SUSD4: variants seen among roughly 807,000 people sequenced by gnomAD.
The protein encoded by SUSD4 is sushi domain containing 4, also known as sushi domain-containing protein 4.
In SUSD4, 41 loss-of-function variants were observed where a neutral mutation model predicts 50.5. That is an observed-to-expected ratio of 0.81 (90% confidence interval 0.63 to 1.05). SUSD4 has a LOEUF of 1.05. SUSD4 is among the 50% of genes least tolerant of loss of function. The pLI is 0.00. For missense variants in SUSD4, 580 were observed against 634.7 expected (o/e 0.91, Z 0.93); for synonymous variants, 257 against 257.3 (o/e 1.00, Z 0.01).
Position 223,228,079 on chromosome 1 carries a change from C to T in SUSD4, c.917-341G>A, listed in dbSNP as rs1355454918. On this transcript the variant is annotated intron_variant, in intron 6 of 8. Coordinates refer to ENST00000366878, the MANE Select transcript of SUSD4 (RefSeq NM_017982.4). ...TCTCTCTTGCCTGGAGAAGTTGCTC[C>T]GAAATGGACCAAGGGGTGGGGGAGT... Among the ~76,000 whole-genome samples, 5 of 152,266 alleles carry T rather than the reference C, an allele frequency of 3.3e-5. No individual in the cohort carries two copies. In the East Asian group the frequency reaches 7.8e-4, roughly 24 times the overall value.
At chr1:223,257,438 G>A (rs1661777588) in intron 5 of SUSD4, among the ~76,000 whole-genome samples, 1 of 152,168 alleles carries the variant, frequency 6.6e-6, no homozygotes. Flanking sequence ...GCAGCCTGAT[G>A]GTGCCAGAGC....
Position 223,233,461 on chromosome 1 carries a change from C to A in SUSD4, c.725-4073G>T, listed in dbSNP as rs549236808. On this transcript the variant is annotated intron_variant, in intron 5 of 8. Transcript: ENST00000366878. Reference sequence around the variant, plus strand: ...TAGGGGACTTCCACCTCTCACCCAACACTGCCTCTCACTATGAGGCTCGAC... The same window carrying A: ...TAGGGGACTTCCACCTCTCACCCAAAACTGCCTCTCACTATGAGGCTCGAC... Among the ~76,000 whole-genome samples the A allele has an allele frequency of 3.7e-3, 566 of 152,298 alleles. 4 individuals carry two copies. The highest frequency in any genetic ancestry group is 6.8e-3 in the Non-Finnish European group (466 of 68,030).
At chr1:223,353,794 G>C (rs1668501415) in intron 2 of SUSD4, among the ~76,000 whole-genome samples, 1 of 152,100 alleles carries the variant, frequency 6.6e-6, no homozygotes, top group African/African-American at 2.4e-5. Context: ...GCAGTGTTCA[G>C]GTGACAGACC....
At chr1:223,239,102 C>A (rs1386486541) in intron 5 of SUSD4, among the ~76,000 whole-genome samples, 1 of 152,032 alleles carries the variant, frequency 6.6e-6, no homozygotes, top group African/African-American at 2.4e-5. Flanking sequence ...TCATTGATAA[C>A]TTTCCTTGCT....
At chr1:223,263,959 C>A in intron 5 of SUSD4, 1 of 985,434 alleles carries the variant, frequency 1.0e-6, no homozygotes, top group Non-Finnish European at 1.2e-6. Flanking sequence ...TTGTTCTCTT[C>A]GGGCATACTT....
intron 2 of SUSD4, among the ~76,000 whole-genome samples, chr1:223,343,659 G>A (rs1293988025): frequency 1.3e-5 from 2 of 152,130 alleles, no homozygotes; most frequent in African/African-American, 4.8e-5. Context: ...CTAACAGAGG[G>A]TTAGTGTGAC....
chr1:223,224,167 C>A (rs1023229211), intron 7 of SUSD4, among the ~76,000 whole-genome samples: 1 of 152,036 alleles, frequency 6.6e-6, no homozygotes. Context: ...TGAAACCCTG[C>A]CTATACAAAA....
At chr1:223,338,932 T>C (rs1211142921) in intron 2 of SUSD4, among the ~76,000 whole-genome samples, 1 of 152,190 alleles carries the variant, frequency 6.6e-6, no homozygotes, top group Admixed American at 6.5e-5. Flanking sequence ...GAGAAATACA[T>C]CCAGTTCCAG....
intron 3 of SUSD4, among the ~76,000 whole-genome samples, chr1:223,280,830 G>T (rs1212062587): frequency 6.6e-6 from 1 of 152,116 alleles, no homozygotes; most frequent in East Asian, 1.9e-4. Context: ...TCACCACATA[G>T]TTGGAAGTAA....
Position 223,327,983 on chromosome 1 carries a change from C to T in SUSD4, c.148+35295G>A, listed in dbSNP as rs182469773. ...ACAGTAGGGAGAAGAGAGATCCCAA[C>T]ACCGGTCTCCAATCTCTTTATCCAC... is the stretch of plus-strand genomic sequence containing the variant. On this transcript the variant is annotated intron_variant, in intron 2 of 8. Transcript: ENST00000366878. Among the ~76,000 whole-genome samples, 5 of 152,212 alleles carry T rather than the reference C, an allele frequency of 3.3e-5. No individual in the cohort carries two copies. In the East Asian group the frequency reaches 5.8e-4, roughly 18 times the overall value.
chr1:223,325,171 A>G (rs915260499), intron 2 of SUSD4, among the ~76,000 whole-genome samples: 90 of 152,328 alleles, frequency 5.9e-4, no homozygotes, highest in African/African-American at 1.9e-3. Flanking sequence ...CTTCCCCCAA[A>G]GAAAAGAAAA....
chr1:223,233,258 G>A (rs757022347), intron 5 of SUSD4, among the ~76,000 whole-genome samples: 1 of 152,186 alleles, frequency 6.6e-6, no homozygotes. Context: ...TGTAGTGTTT[G>A]TAATGATTGC....
Position 223,283,107 on chromosome 1 carries a change from A to T in SUSD4, c.361+9332T>A, listed in dbSNP as rs1317054120. On this transcript the variant is annotated intron_variant, in intron 3 of 8. Transcript: ENST00000366878. ...AAGATGGATTAAAGACTTAAATATT[A>T]GACCTAAAACCATAAAAACCGTAGA... is the stretch of plus-strand genomic sequence containing the variant. Among the ~76,000 whole-genome samples the T allele has an allele frequency of 2.0e-5, 3 of 152,248 alleles. No homozygotes were observed. The East Asian group carries it at 5.8e-4, about 29-fold the overall frequency.
chr1:223,364,982 G>A (rs1669236818), upstream of SUSD4, among the ~76,000 whole-genome samples: 1 of 152,120 alleles, frequency 6.6e-6, no homozygotes, highest in Non-Finnish European at 1.5e-5. The surrounding 1 kb of genome is among the most constrained non-coding windows in gnomAD (Gnocchi z 4.5). Context: ...TGCGAGTGAG[G>A]ACCCCTGTCC....
chr1:223,364,429 C>G (rs1446415680), upstream of SUSD4, among the ~76,000 whole-genome samples: 1 of 147,882 alleles, frequency 6.8e-6, no homozygotes, highest in Non-Finnish European at 1.5e-5. The surrounding 1 kb of genome is among the most constrained non-coding windows in gnomAD (Gnocchi z 4.5). Context: ...TCTGCCAACC[C>G]AGCCGGCGCC....
chr1:223,321,606 G>A (rs910601984), intron 2 of SUSD4, among the ~76,000 whole-genome samples: 21 of 152,170 alleles, frequency 1.4e-4, no homozygotes, highest in South Asian at 2.1e-4. Flanking sequence ...TATCACTAGC[G>A]TAGAACTTAC....
intron 3 of SUSD4, among the ~76,000 whole-genome samples, chr1:223,278,504 G>A (rs1462605262): frequency 2.0e-5 from 3 of 152,222 alleles, no homozygotes; most frequent in African/African-American, 7.2e-5. Flanking sequence ...CAAGGCAGCA[G>A]CGAGGCTGGG....
At chr1:223,264,454 T>A (rs916138211) in intron 5 of SUSD4, 176 bp downstream of exon 5, 170 of 1,347,952 alleles carry the variant, frequency 1.3e-4, no homozygotes, top group Non-Finnish European at 1.5e-4. Flanking sequence ...AAGTTTTACA[T>A]CTAATTGTAA....
intron 2 of SUSD4, among the ~76,000 whole-genome samples, chr1:223,299,935 C>T (rs1665075867): frequency 6.6e-6 from 1 of 152,204 alleles, no homozygotes; most frequent in African/African-American, 2.4e-5. Context: ...ACCTATCTAT[C>T]TGTCCTCCTG....
Sources: gnomAD v4.1 joint callset for allele counts (sites outside exome capture counted in the v4.1 genomes callset) on GRCh38, gnomAD v4.1.1 for gene constraint, Gnocchi (gnomAD v3.1) non-coding constraint, MANE v1.5 for transcripts, NCBI Gene and HGNC (gene_info 2026-07-23, HGNC 2026-07-21) for gene names.